Variants in RTL4 observed in about 807,000 individuals in gnomAD.
The protein encoded by RTL4 is retrotransposon Gag like 4, also known as retrotransposon Gag-like protein 4.
RTL4 carries 4 observed loss-of-function variants against 5.3 expected under a neutral mutation model. The ratio of observed to expected loss-of-function variants is 0.75; its 90% CI spans 0.37 to 1.72. The LOEUF (loss-of-function observed/expected upper bound fraction) is 1.72, where lower values mean the gene tolerates loss of function less well. RTL4 is among the 40% of genes most tolerant of loss of function. The pLI is 0.04. For missense variants in RTL4, 260 were observed against 227.1 expected (o/e 1.14, Z -0.93); for synonymous variants, 98 against 87.3 (o/e 1.12, Z -0.68).
chrX:112,274,376 A>C, the RTL4 span, among the ~76,000 whole-genome samples: 1 of 112,088 alleles, frequency 8.9e-6, no homozygotes, highest in Non-Finnish European at 1.9e-5. Flanking sequence ...GTCTGTTCTG[A>C]GCCCATGTTA....
At chrX:112,132,510 CACAT>C in the RTL4 span, among the ~76,000 whole-genome samples, 18,407 of 110,112 alleles carry the variant, frequency 0.17, 2,545 homozygotes, top group African/African-American at 0.45. Flanking sequence ...CAGAAAAATA[CACAT>C]ACATACATAC....
chrX:112,439,990 A>G, the RTL4 span, among the ~76,000 whole-genome samples: 2 of 111,726 alleles, frequency 1.8e-5, no homozygotes, highest in African/African-American at 3.3e-5. Flanking sequence ...ACTAAAACAC[A>G]CCTGGAAAAG....
the RTL4 span, among the ~76,000 whole-genome samples, chrX:112,159,140 G>A: frequency 8.9e-6 from 1 of 112,038 alleles, no homozygotes; most frequent in South Asian, 3.7e-4. Context: ...TCCTTTTTGT[G>A]TTTTTCTGCC....
At chrX:112,428,797 A>G in the RTL4 span, among the ~76,000 whole-genome samples, 7 of 111,635 alleles carry the variant, frequency 6.3e-5, no homozygotes, top group South Asian at 1.1e-3. Flanking sequence ...TCTTCTTGCA[A>G]TTCTATCAGT....
the RTL4 span, among the ~76,000 whole-genome samples, chrX:112,099,722 C>G: frequency 3.6e-5 from 4 of 110,938 alleles, 1 homozygote; most frequent in Admixed American, 1.9e-4. Context: ...AATATGTGAT[C>G]AAATATGTTT....
At chrX:112,309,726 C>G in the RTL4 span, among the ~76,000 whole-genome samples, 2 of 108,891 alleles carry the variant, frequency 1.8e-5, no homozygotes, top group Admixed American at 2.0e-4. Context: ...AGCGATTCAC[C>G]TGCTTCGGCC....
At chrX:112,232,802 A>G in the RTL4 span, among the ~76,000 whole-genome samples, 1 of 111,459 alleles carries the variant, frequency 9.0e-6, no homozygotes, top group African/African-American at 3.3e-5. Flanking sequence ...ATGCAAGTTA[A>G]AAACCTTAGG....
At chrX:112,160,979 C>T in the RTL4 span, among the ~76,000 whole-genome samples, 1 of 110,722 alleles carries the variant, frequency 9.0e-6, no homozygotes. Flanking sequence ...GCATGCCGCT[C>T]CCCCAGCCCC....
the RTL4 span, among the ~76,000 whole-genome samples, chrX:112,345,150 G>A: frequency 9.0e-6 from 1 of 111,179 alleles, no homozygotes. Context: ...GTCACCCCCA[G>A]CCTAGCTCCC....
At chrX:112,121,510 T>G in the RTL4 span, among the ~76,000 whole-genome samples, 1 of 111,462 alleles carries the variant, frequency 9.0e-6, no homozygotes, top group East Asian at 2.8e-4. Context: ...AAACAGGAGA[T>G]CAGAAGGTTT....
the RTL4 span, among the ~76,000 whole-genome samples, chrX:112,379,651 T>C: frequency 8.9e-6 from 1 of 112,084 alleles, no homozygotes; most frequent in Admixed American, 9.5e-5. Context: ...TGCACATGTT[T>C]TAAATGTGTG....
chrX:112,107,443 TATC>T, the RTL4 span, among the ~76,000 whole-genome samples: 459 of 112,244 alleles, frequency 4.1e-3, 5 homozygotes, highest in East Asian at 0.053. Flanking sequence ...TGCTCATTAG[TATC>T]ATTTTCTTTT....
the RTL4 span, among the ~76,000 whole-genome samples, chrX:112,242,478 C>A: frequency 2.7e-5 from 3 of 111,360 alleles, no homozygotes; most frequent in East Asian, 8.5e-4. Flanking sequence ...AGAGTTTACT[C>A]ATAATTTGGC....
the RTL4 span, among the ~76,000 whole-genome samples, chrX:112,118,733 G>A: frequency 2.7e-5 from 3 of 111,648 alleles, no homozygotes; most frequent in Non-Finnish European, 5.6e-5. Flanking sequence ...GTATGAAGAT[G>A]TAGAGGAAAA....
the RTL4 span, among the ~76,000 whole-genome samples, chrX:112,406,555 GC>G: frequency 9.0e-6 from 1 of 111,036 alleles, no homozygotes; most frequent in South Asian, 3.8e-4. Context: ...CTCCCACCAT[GC>G]CCCCCCTCCA....
At chrX:112,448,161 T>C in the RTL4 span, among the ~76,000 whole-genome samples, 6 of 112,007 alleles carry the variant, frequency 5.4e-5, no homozygotes, top group South Asian at 2.2e-3. Flanking sequence ...GGAGGGAGCA[T>C]GAAGGCAGGA....
At chrX:112,455,477 C>T in exon 1 of RTL4, 3 of 1,211,391 alleles carry the variant, frequency 2.5e-6, no homozygotes, top group Non-Finnish European at 3.4e-6. Flanking sequence ...CCCACAGATC[C>T]ACCACCCAAG....
chrX:112,221,927 T>C, the RTL4 span, among the ~76,000 whole-genome samples: 1 of 112,654 alleles, frequency 8.9e-6, no homozygotes, highest in Non-Finnish European at 1.9e-5. Context: ...CCCTTCTTGT[T>C]TTCACTGTGT....
chrX:112,292,452 C>A, the RTL4 span, among the ~76,000 whole-genome samples: 1 of 111,743 alleles, frequency 8.9e-6, no homozygotes, highest in African/African-American at 3.3e-5. Context: ...ACCTCTGAAG[C>A]CTCTTCCTCA....
Sources: allele counts gnomAD v4.1 joint callset (sites outside exome capture counted in the v4.1 genomes callset), GRCh38; gene constraint gnomAD v4.1.1; transcripts MANE v1.5; gene names NCBI Gene and HGNC (gene_info 2026-07-23, HGNC 2026-07-21).